The following SEC14L1 variants were observed in gnomAD, a reference collection of about 807,000 sequenced individuals.
The protein encoded by SEC14L1 is SEC14 like lipid binding 1, also known as SEC14-like protein 1.
In SEC14L1, 48 loss-of-function variants were observed where a neutral mutation model predicts 85.3. That is an observed-to-expected ratio of 0.56 (90% CI 0.45 to 0.72). The LOEUF (loss-of-function observed/expected upper bound fraction) is 0.72, where lower values mean the gene tolerates loss of function less well. Among genes scored for constraint, SEC14L1 ranks in the 30% least tolerant of loss-of-function variants. The pLI, the probability that SEC14L1 is intolerant of heterozygous loss-of-function variation, is 0.00. For missense variants in SEC14L1, 682 were observed against 921.4 expected (o/e 0.74, Z 3.36); for synonymous variants, 391 against 355.5 (o/e 1.10, Z -1.12).
rs80071816 is a variant in SEC14L1 at position 77,194,553 on chromosome 17, A to C, written c.475-124A>C. The C allele has an allele frequency of 6.0e-6, 3 of 497,402 alleles. No individual in the cohort carries two copies. The East Asian group carries it at 1.2e-4, about 20-fold the overall frequency. 30.8% of individuals were successfully genotyped at this position (497,402 alleles called of 1,614,324 possible). ...GGCCACAAAGCGAGACCCTGTCTCAAAAAAAAAAAAAGATTGTGAGGCTCA... is the reference window on the plus strand; with the variant it reads ...GGCCACAAAGCGAGACCCTGTCTCACAAAAAAAAAAAGATTGTGAGGCTCA... On this transcript the variant is annotated intron_variant, in intron 6 of 16. Coordinates refer to ENST00000436233, the MANE Select transcript of SEC14L1 (RefSeq NM_001143998.2).
intron 3 of SEC14L1, among the ~76,000 whole-genome samples, chr17:77,134,291 C>T (rs969593683): frequency 2.6e-5 from 4 of 151,670 alleles, no homozygotes; most frequent in Admixed American, 1.3e-4. Flanking sequence ...TCTCTGGCAC[C>T]GAGGCTGTAG....
intron 3 of SEC14L1, among the ~76,000 whole-genome samples, chr17:77,132,573 C>G (rs1237681465): frequency 6.6e-6 from 1 of 152,140 alleles, no homozygotes; most frequent in Non-Finnish European, 1.5e-5. Flanking sequence ...TCTGACATGT[C>G]TCTGTAACTG....
chr17:77,114,069 C>T (rs2143374550), intron 3 of SEC14L1, among the ~76,000 whole-genome samples: 1 of 152,296 alleles, frequency 6.6e-6, no homozygotes, highest in South Asian at 2.1e-4. Flanking sequence ...CAAATAAAAT[C>T]AGCAAAGGGC....
chr17:77,209,238 C>T, intron 13 of SEC14L1, 104 bp from the exon 14 acceptor site: 1 of 1,379,172 alleles, frequency 7.3e-7, no homozygotes, highest in Non-Finnish European at 9.9e-7. Context: ...TTCTCAGCAA[C>T]CTCCAGAAGT....
rs1440690841 is a variant in SEC14L1 at position 77,214,152 on chromosome 17, A to G, written c.*129A>G. On this transcript the variant is annotated 3_prime_UTR_variant, in exon 17 of 17. Coordinates refer to ENST00000436233, the MANE Select transcript of SEC14L1 (RefSeq NM_001143998.2). Reference sequence around the variant, plus strand: ...CCTCTAGATAGCAAATAGCTCTCAGATGGTAAACGTAGTCGTTTGATCCCA... The same window carrying G: ...CCTCTAGATAGCAAATAGCTCTCAGGTGGTAAACGTAGTCGTTTGATCCCA... The G allele has an allele frequency of 2.1e-6, 3 of 1,449,996 alleles. No homozygotes were observed. The highest frequency in any genetic ancestry group is 2.5e-5 in the East Asian group (1 of 40,378). 89.8% of individuals were successfully genotyped at this position (1,449,996 alleles called of 1,614,324 possible).
chr17:77,214,034 C>T lies in SEC14L1; in HGVS notation c.*11C>T. On this transcript the variant is annotated 3_prime_UTR_variant, in exon 17 of 17. Transcript: ENST00000436233. ...ATGATCTCCAGGTAGTGCCGCGCTG[C>T]CTGCACCTAGTGTGCAGAGGGGACG... is the stretch of plus-strand genomic sequence containing the variant. The T allele has an allele frequency of 6.2e-7, 1 of 1,610,848 alleles. No individual in the cohort carries two copies. Among genetic ancestry groups the T allele is most frequent in the Non-Finnish European group, 8.5e-7 (1 of 1,179,186 alleles).
chr17:77,193,289 C>T, intron 5 of SEC14L1, 132 bp from the exon 6 acceptor site: 2 of 773,286 alleles, frequency 2.6e-6, no homozygotes, highest in Middle Eastern at 4.2e-4. Context: ...TTTTTTCCAT[C>T]TGCTGTCTTT....
chr17:77,101,504 T>C (rs576161488), intron 3 of SEC14L1, among the ~76,000 whole-genome samples: 1 of 152,186 alleles, frequency 6.6e-6, no homozygotes, highest in Non-Finnish European at 1.5e-5. Flanking sequence ...ACATAATAAC[T>C]GTCATGGTTA....
chr17:77,204,526 T>C (rs976121270), intron 10 of SEC14L1, among the ~76,000 whole-genome samples: 13 of 138,432 alleles, frequency 9.4e-5, no homozygotes, highest in Non-Finnish European at 1.1e-4. Context: ...AGCCAGCTTT[T>C]TTTTTTTTTT....
intron 9 of SEC14L1, among the ~76,000 whole-genome samples, chr17:77,201,505 C>T (rs1976142334): frequency 6.6e-6 from 1 of 150,992 alleles, no homozygotes; most frequent in Non-Finnish European, 1.5e-5. Flanking sequence ...GGCTGGAGTC[C>T]AGTGGCAAGA....
At chr17:77,137,153 C>A (rs1972824063), upstream of SEC14L1, among the ~76,000 whole-genome samples, 1 of 152,204 alleles carries the variant, frequency 6.6e-6, no homozygotes, top group Admixed American at 6.5e-5. Context: ...AGGGGATCCA[C>A]CTGCCTTGGC....
intron 4 of SEC14L1, 60 bp from the exon 5 acceptor site, chr17:77,191,121 T>C (rs1029760925): frequency 2.6e-6 from 4 of 1,567,752 alleles, no homozygotes; most frequent in East Asian, 4.5e-5. Context: ...ACTTATACTA[T>C]AGCTTCTGTG....
chr17:77,105,173 C>T (rs1971881176), intron 3 of SEC14L1, among the ~76,000 whole-genome samples: 1 of 152,078 alleles, frequency 6.6e-6, no homozygotes, highest in Admixed American at 6.6e-5. Context: ...CAGGTTGGCC[C>T]TAAGCAGTTT....
intron 1 of SEC14L1, chr17:77,141,653 TCTGGACCAGAGCATCGGCAG>T (rs998946734): frequency 1.3e-5 from 2 of 152,216 alleles, no homozygotes; most frequent in African/African-American, 4.8e-5. Flanking sequence ...AGGGCGTTTA[TCTGGACCAGAGCATCGGCAG>T]CTGAGACCTG....
At chr17:77,146,733 C>T (rs191548936) in intron 3 of SEC14L1, among the ~76,000 whole-genome samples, 64 of 151,992 alleles carry the variant, frequency 4.2e-4, no homozygotes, top group African/African-American at 1.4e-3. Context: ...CGCACACACA[C>T]GCACGTATAT....
intron 3 of SEC14L1, among the ~76,000 whole-genome samples, chr17:77,134,100 G>A (rs1310099069): frequency 6.6e-6 from 1 of 151,992 alleles, no homozygotes; most frequent in Non-Finnish European, 1.5e-5. Context: ...GCAGCGCTGC[G>A]GTCCCACCAA....
chr17:77,149,609 G>A (rs530386143), intron 3 of SEC14L1, among the ~76,000 whole-genome samples: 57 of 152,276 alleles, frequency 3.7e-4, no homozygotes, highest in Non-Finnish European at 6.9e-4. Context: ...TGAAGAGAGA[G>A]GATCCTTTGA....
chr17:77,175,191 G>T (rs1974695162), intron 3 of SEC14L1, among the ~76,000 whole-genome samples: 1 of 152,150 alleles, frequency 6.6e-6, no homozygotes. Flanking sequence ...CCTTTGAAGA[G>T]GAATTCATCA....
intron 3 of SEC14L1, among the ~76,000 whole-genome samples, chr17:77,177,312 G>A (rs904497985): frequency 6.6e-6 from 1 of 151,066 alleles, no homozygotes; most frequent in African/African-American, 2.4e-5. Context: ...GTTCAGAAAT[G>A]TAACAGACAG....
Sources: gnomAD v4.1 joint callset for allele counts (sites outside exome capture counted in the v4.1 genomes callset) on GRCh38, gnomAD v4.1.1 for gene constraint, MANE v1.5 for transcripts, NCBI Gene and HGNC (gene_info 2026-07-23, HGNC 2026-07-21) for gene names.